GCNA: variants seen among roughly 807,000 people sequenced by gnomAD.
GCNA encodes the protein germ cell nuclear acidic peptidase, also known as germ cell nuclear acidic protein.
In GCNA, 3 loss-of-function variants were observed where a neutral mutation model predicts 38.8. The observed-to-expected ratio is 0.08, with a 90% CI of 0.04 to 0.20. GCNA has a LOEUF of 0.20. Ranked by LOEUF, GCNA falls within the 10% of genes least tolerant of loss-of-function variation. The pLI is 1.00. For synonymous variants in GCNA, 195 were observed against 240.2 expected (o/e 0.81, Z 1.74); for missense variants, 446 against 578.6 (o/e 0.77, Z 2.35).
chrX:71,603,221 C>T (rs1456389379), intron 7 of GCNA, among the ~76,000 whole-genome samples: 1 of 112,056 alleles, frequency 8.9e-6, no homozygotes, highest in African/African-American at 3.2e-5. Flanking sequence ...GTGATTCCTC[C>T]ACTTTGTTCT....
intron 2 of GCNA, among the ~76,000 whole-genome samples, chrX:71,582,358 G>GAATGAT (rs2040553477): frequency 9.2e-6 from 1 of 109,219 alleles, no homozygotes; most frequent in East Asian, 2.8e-4. Flanking sequence ...CTCATTAAAG[G>GAATGAT]AATGATAAAT....
chrX:71,585,560 CT>C (rs1258797139), intron 2 of GCNA, among the ~76,000 whole-genome samples: 1 of 110,559 alleles, frequency 9.0e-6, no homozygotes, highest in African/African-American at 3.3e-5. Flanking sequence ...AGATCTTAGG[CT>C]TCTGGTTGGA....
At chrX:71,583,007 A>C (rs1412985857) in intron 2 of GCNA, among the ~76,000 whole-genome samples, 3 of 112,445 alleles carry the variant, frequency 2.7e-5, no homozygotes, top group Admixed American at 9.5e-5. Flanking sequence ...TACTTGAATA[A>C]ATTAGGGTTC....
chrX:71,587,786 CTTTTT>C, intron 2 of GCNA, among the ~76,000 whole-genome samples: 1 of 102,268 alleles, frequency 9.8e-6, no homozygotes, highest in Admixed American at 1.1e-4. Flanking sequence ...TCTTGGATTT[CTTTTT>C]TTTTTTTTAA....
chrX:71,591,004 A>G (rs1175682417), intron 2 of GCNA, among the ~76,000 whole-genome samples: 1 of 111,722 alleles, frequency 9.0e-6, no homozygotes, highest in Non-Finnish European at 1.9e-5. Flanking sequence ...TTTAATATGT[A>G]GAGCCTGGAC....
chrX:71,612,937 G>A lies in GCNA; in HGVS notation c.2031G>A (p.Val677=). Residue 677 remains valine (V), a synonymous_variant, in exon 13 of 13, where the codon GTG becomes GTA. Coordinates refer to ENST00000373696, the MANE Select transcript of GCNA (RefSeq NM_052957.5). ...CAKCKGSLVM[V]PLTQKDGTRI... is the part of the protein sequence containing the mutation. ...AATGCAAGGGGTCTCTGGTCATGGT[G>A]CCATTAACTCAGAAAGATGGGACCC... 8.3e-7 allele frequency: 1 copy of A among 1,211,751 alleles called. No homozygotes were observed. Among genetic ancestry groups the A allele is most frequent in the Non-Finnish European group, 1.1e-6 (1 of 895,516 alleles).
At chrX:71,611,399 G>A (rs1452252425) in intron 11 of GCNA, among the ~76,000 whole-genome samples, 1 of 111,707 alleles carries the variant, frequency 9.0e-6, no homozygotes, top group Non-Finnish European at 1.9e-5. Context: ...TGGGTGTGGT[G>A]GCACCCATCT....
rs770437361 is a variant in GCNA, at chrX:71,603,571, T to C, written c.311-17T>C. The C allele has an allele frequency of 1.3e-5, 15 of 1,197,725 alleles. No individual in the cohort carries two copies. The South Asian group carries it at 1.7e-4, about 13-fold the overall frequency. On this transcript the variant is annotated splice_polypyrimidine_tract_variant and intron_variant, in intron 7 of 12. Coordinates refer to ENST00000373696, the MANE Select transcript of GCNA (RefSeq NM_052957.5). ...GAGGGAGTATATTTACATATGATTGTGTCTCTTGAATTTCAGATGAGAGTC... is the reference window on the plus strand; with the variant it reads ...GAGGGAGTATATTTACATATGATTGCGTCTCTTGAATTTCAGATGAGAGTC...
intron 8 of GCNA, among the ~76,000 whole-genome samples, chrX:71,605,155 T>C (rs1359735234): frequency 9.0e-6 from 1 of 111,515 alleles, no homozygotes. Context: ...TTTTAGTCTC[T>C]CTCAGGATTT....
intron 2 of GCNA, among the ~76,000 whole-genome samples, chrX:71,584,298 TG>T (rs1035991649): frequency 2.7e-5 from 3 of 111,659 alleles, no homozygotes; most frequent in African/African-American, 9.7e-5. Context: ...TCACCCAGGC[TG>T]GAGTGCAGTG....
rs776505063 is a variant in GCNA, at chrX:71,603,923, G to A, written c.646G>A (p.Asp216Asn). 4.1e-6 allele frequency: 5 copies of A among 1,210,285 alleles called. No homozygotes were observed. The highest frequency in any genetic ancestry group is 4.4e-5 in the Admixed American group (2 of 45,898). ...DDNSDDSDVP[D>N]DKSDDSDVPD... ...CAACAGTGATGATTCGGATGTTCCC[G>A]ACGACAAGAGTGATGATTCGGATGT... is the stretch of plus-strand genomic sequence containing the variant. Residue 216 changes from aspartate (D) to asparagine (N), a missense_variant, in exon 8 of 13, where the codon GAC becomes AAC. Physicochemically the swap from Asp to Asn is conservative, Grantham distance 23. Transcript: ENST00000373696.
chrX:71,584,990 G>A (rs2040574522), intron 2 of GCNA, among the ~76,000 whole-genome samples: 1 of 110,880 alleles, frequency 9.0e-6, no homozygotes, highest in African/African-American at 3.3e-5. Flanking sequence ...TACTGATTCA[G>A]TCTCCTGAAT....
At position 71,610,829 on chromosome X, in the gene GCNA, G is replaced by A. The variant is rs746938060; in HGVS notation, c.1750+10G>A. 4 of 1,211,024 alleles carry A rather than the reference G, an allele frequency of 3.3e-6. No individual in the cohort carries two copies. In the South Asian group the frequency reaches 5.3e-5, roughly 16 times the overall value. On this transcript the variant is annotated intron_variant, in intron 11 of 12. Transcript: ENST00000373696. ...GTCTGCGACTCTGCAGGTGATGGCA[G>A]GAGTGTGGTAGCTTCACCACTGTGC...
At position 71,583,052 on chromosome X, in the gene GCNA, T is replaced by TAATG. The variant is rs767309639; in HGVS notation, c.59+2175_59+2178dup. Among the ~76,000 whole-genome samples the TAATG allele has an allele frequency of 6.1e-3, 684 of 112,261 alleles. 2 individuals carry two copies. Among genetic ancestry groups the TAATG allele is most frequent in the Non-Finnish European group, 8.9e-3 (474 of 53,303 alleles). On this transcript the variant is annotated intron_variant, in intron 2 of 12. Transcript: ENST00000373696. The stretch of plus-strand genomic sequence containing the variant: ...ATGTGGTGAGAGCTATGTGTACTGA[T>TAATG]AATGAAAAGACTACTAAGAAATATA...
At chrX:71,608,921 A>T in intron 9 of GCNA, 52 bp from the exon 10 acceptor site, 1 of 1,180,037 alleles carries the variant, frequency 8.5e-7, no homozygotes, top group Non-Finnish European at 1.1e-6. Context: ...TTAGGTGTGC[A>T]TTCCTTCTCT....
intron 2 of GCNA, among the ~76,000 whole-genome samples, chrX:71,584,988 C>G (rs768541333): frequency 2.5e-4 from 28 of 110,866 alleles, no homozygotes; most frequent in African/African-American, 8.9e-4. Flanking sequence ...ATTACTGATT[C>G]AGTCTCCTGA....
chrX:71,605,688 G>T lies in GCNA; in HGVS notation c.1425G>T (p.Lys475Asn). ...TPGHKKRGPSKKKPGAAKVEK... is the reference protein window; with the variant it reads ...TPGHKKRGPSNKKPGAAKVEK... ...GACATAAGAAGCGTGGGCCTTCAAA[G>T]AAGAAACCCGGTGCAGCAAAAGTTG... is the stretch of plus-strand genomic sequence containing the variant. The change falls in exon 9 of 13, where the codon AAG becomes AAT. Residue 475 changes from lysine to asparagine, a missense_variant. Transcript: ENST00000373696. 1 of 1,210,234 alleles carries T rather than the reference G, an allele frequency of 8.3e-7. No individual in the cohort carries two copies. The highest frequency in any genetic ancestry group is 1.1e-6 in the Non-Finnish European group (1 of 894,483).
Position 71,613,328 on chromosome X carries a change from T to TG in GCNA, c.*349dup, listed in dbSNP as rs2040827664. On this transcript the variant is annotated 3_prime_UTR_variant, in exon 13 of 13. Transcript: ENST00000373696. Reference sequence around the variant, plus strand: ...TTTCTGAAGCCCTTGGGATCTACCTTGGGTCTTACTTGAGTTCCATATTTT... The same window carrying TG: ...TTTCTGAAGCCCTTGGGATCTACCTTGGGGTCTTACTTGAGTTCCATATTTT... The TG allele has an allele frequency of 6.8e-6, 1 of 147,845 alleles. No individual in the cohort carries two copies. Among genetic ancestry groups the TG allele is most frequent in the Admixed American group, 7.6e-5 (1 of 13,120 alleles). The allele number at this position is 147,845 out of a possible 1,213,427, so 12.2% of individuals were successfully genotyped here.
intron 2 of GCNA, among the ~76,000 whole-genome samples, chrX:71,583,241 G>GA (rs1345358369): frequency 1.8e-5 from 2 of 112,363 alleles, no homozygotes; most frequent in South Asian, 3.7e-4. Flanking sequence ...AGCAAGGACA[G>GA]AGTGTCACTC....
Sources: allele counts gnomAD v4.1 joint callset (sites outside exome capture counted in the v4.1 genomes callset), GRCh38; gene constraint gnomAD v4.1.1; transcripts MANE v1.5; gene names NCBI Gene and HGNC (gene_info 2026-07-23, HGNC 2026-07-21).